Variants in CFH observed in about 807,000 individuals in gnomAD.
The protein encoded by CFH is complement factor H.
CFH carries 53 observed loss-of-function variants against 147.3 expected under a neutral mutation model. That is an observed-to-expected ratio of 0.36 (90% CI 0.29 to 0.45). The LOEUF (loss-of-function observed/expected upper bound fraction) is 0.45, where lower values mean the gene tolerates loss of function less well. CFH is among the 20% of genes least tolerant of loss of function. CFH has a pLI of 1.00. For missense variants in CFH, 1,380 were observed against 1,498.0 expected, an observed-to-expected ratio of 0.92 and a Z score of 1.30; for synonymous variants, 536 against 489.4, an observed-to-expected ratio of 1.10 and a Z score of -1.26.
chr1:196,666,804 C>CA lies in CFH; in HGVS notation c.59-6153dup, dbSNP rs10616982. Among the ~76,000 whole-genome samples, 606 of 82,840 alleles carry CA rather than the reference C, an allele frequency of 7.3e-3. 1 individual carries two copies. The highest frequency in any genetic ancestry group is 0.011 in the Non-Finnish European group (453 of 40,658). The allele number at this position is 82,840 out of a possible 152,430, so 54.3% of individuals were successfully genotyped here. On this transcript the variant is annotated intron_variant, in intron 1 of 21. Coordinates refer to ENST00000367429, the MANE Select transcript of CFH (RefSeq NM_000186.4). ...TGGGGGACAGAGCGAGACTCCGTCTCAAAAAAAAAAAAAAAAAAAAAGGGT... is the reference window on the plus strand; with the variant it reads ...TGGGGGACAGAGCGAGACTCCGTCTCAAAAAAAAAAAAAAAAAAAAAAGGGT...
intron 20 of CFH, among the ~76,000 whole-genome samples, chr1:196,745,466 T>C (rs1302976205): frequency 6.6e-6 from 1 of 152,196 alleles, no homozygotes; most frequent in East Asian, 1.9e-4. Context: ...TTGTCATACT[T>C]TTCCATTTTA....
rs534490392 is a variant in CFH at position 196,746,444 on chromosome 1, C to A, written c.3493+445C>A. Among the ~76,000 whole-genome samples the A allele has an allele frequency of 2.0e-5, 3 of 152,258 alleles. No homozygotes were observed. The South Asian group carries it at 6.2e-4, about 32-fold the overall frequency. Reference sequence around the variant, plus strand: ...CCAGCCTGGGTGACAAAGCGAGACTCCGTCTCAATAAAAACAACAAAAAAA... The same window carrying A: ...CCAGCCTGGGTGACAAAGCGAGACTACGTCTCAATAAAAACAACAAAAAAA... On this transcript the variant is annotated intron_variant, in intron 21 of 21. Transcript: ENST00000367429.
intron 11 of CFH, among the ~76,000 whole-genome samples, chr1:196,719,272 C>T (rs74694932): frequency 0.02 from 3,053 of 151,986 alleles, 96 homozygotes; most frequent in African/African-American, 0.069. Context: ...TCTTAACTTT[C>T]CTTTTTAAGA....
intron 9 of CFH, among the ~76,000 whole-genome samples, chr1:196,707,337 A>G (rs1204277355): frequency 3.3e-5 from 5 of 152,210 alleles, no homozygotes; most frequent in African/African-American, 7.2e-5. Context: ...AAGGAATGCC[A>G]ATAACATACA....
chr1:196,740,634 C>T lies in CFH; in HGVS notation c.2798C>T (p.Ser933Phe), dbSNP rs1480091266. ...TTTTTTTTAGGCCTTCCTTGTAAATCTCCACCTGAGATTTCTCATGGTGTT... is the reference window on the plus strand; with the variant it reads ...TTTTTTTTAGGCCTTCCTTGTAAATTTCCACCTGAGATTTCTCATGGTGTT... ...PPQCEGLPCKSPPEISHGVVA... is the reference protein window; with the variant it reads ...PPQCEGLPCKFPPEISHGVVA... Residue 933 changes from serine (S) to phenylalanine (F), a missense_variant, in exon 18 of 22, where the codon TCT (serine) becomes TTT (phenylalanine). Ser to Phe is a radical substitution (Grantham distance 155, BLOSUM62 -2). Coordinates refer to ENST00000367429, the MANE Select transcript of CFH (RefSeq NM_000186.4). 5 of 1,613,344 alleles carry T rather than the reference C, an allele frequency of 3.1e-6. No individual in the cohort carries two copies. The highest frequency in any genetic ancestry group is 3.4e-6 in the Non-Finnish European group (4 of 1,179,770).
Position 196,747,332 on chromosome 1 carries a change from C to A in CFH, c.*19C>A. 5 of 1,613,854 alleles carry A rather than the reference C, an allele frequency of 3.1e-6. No homozygotes were observed. The highest frequency in any genetic ancestry group is 4.2e-6 in the Non-Finnish European group (5 of 1,179,786). ...AAGATAGAATCAATCATAAAGTGCA[C>A]ACCTTTATTCAGAACTTTAGTATTA... On this transcript the variant is annotated 3_prime_UTR_variant, in exon 22 of 22. Transcript: ENST00000367429.
chr1:196,666,716 G>A (rs192873006), intron 1 of CFH, among the ~76,000 whole-genome samples: 138 of 150,986 alleles, frequency 9.1e-4, no homozygotes, highest in South Asian at 2.5e-3. Flanking sequence ...GATGGCTGAG[G>A]CAGGAGAATG....
At chr1:196,665,617 AT>A (rs950498475) in intron 1 of CFH, among the ~76,000 whole-genome samples, 4 of 151,694 alleles carry the variant, frequency 2.6e-5, no homozygotes, top group East Asian at 1.9e-4. Context: ...TTATTATTAT[AT>A]TTTTTTGAGA....
chr1:196,699,536 T>C (rs1473206734), intron 9 of CFH, among the ~76,000 whole-genome samples: 1 of 152,234 alleles, frequency 6.6e-6, no homozygotes, highest in Non-Finnish European at 1.5e-5. Context: ...TATGTAATTT[T>C]GATGTTATCA....
At chr1:196,729,113 A>T (rs145035620) in intron 15 of CFH, among the ~76,000 whole-genome samples, 1 of 152,036 alleles carries the variant, frequency 6.6e-6, no homozygotes, top group Non-Finnish European at 1.5e-5. Context: ...GTATTTTGCT[A>T]TCCAATTGTG....
intron 1 of CFH, among the ~76,000 whole-genome samples, chr1:196,655,266 A>G (rs1309994301): frequency 1.3e-5 from 2 of 152,274 alleles, no homozygotes; most frequent in East Asian, 3.9e-4. Context: ...TTTCCCAGGT[A>G]GGACAGATCT....
intron 19 of CFH, among the ~76,000 whole-genome samples, 193 bp from the exon 20 acceptor site, chr1:196,743,259 G>C (rs1419083821): frequency 2.0e-5 from 3 of 152,132 alleles, no homozygotes; most frequent in Admixed American, 2.0e-4. Context: ...AAACATCAAC[G>C]CTTGTACCTT....
chr1:196,653,197 A>G (rs929276137), intron 1 of CFH, among the ~76,000 whole-genome samples: 20 of 151,934 alleles, frequency 1.3e-4, no homozygotes, highest in African/African-American at 4.3e-4. Flanking sequence ...AATTTAAAAA[A>G]TATTCAAATA....
intron 11 of CFH, 62 bp downstream of exon 11, chr1:196,715,831 A>G: frequency 7.0e-7 from 1 of 1,421,020 alleles, no homozygotes; most frequent in Non-Finnish European, 9.8e-7. Flanking sequence ...TTCCAATTTT[A>G]AAAATTTGAA....
At chr1:196,698,678 CT>C (rs1668360404) in intron 9 of CFH, among the ~76,000 whole-genome samples, 1 of 152,114 alleles carries the variant, frequency 6.6e-6, no homozygotes, top group South Asian at 2.1e-4. Context: ...CCTTTGGAAA[CT>C]ATTTCAAACA....
At chr1:196,698,888 G>A (rs968844942) in intron 9 of CFH, among the ~76,000 whole-genome samples, 1 of 152,042 alleles carries the variant, frequency 6.6e-6, no homozygotes, top group Non-Finnish European at 1.5e-5. Flanking sequence ...TGAGCAAGTC[G>A]CCATTATCTC....
chr1:196,705,200 A>T (rs1261856136), intron 9 of CFH, among the ~76,000 whole-genome samples: 1 of 149,904 alleles, frequency 6.7e-6, no homozygotes, highest in South Asian at 2.1e-4. Context: ...CTGGCTTTAC[A>T]TTTTTTTTTT....
chr1:196,688,805 A>C (rs1573025897), intron 7 of CFH, among the ~76,000 whole-genome samples: 1 of 151,930 alleles, frequency 6.6e-6, no homozygotes, highest in South Asian at 2.1e-4. Context: ...GTAGAGACGG[A>C]GTATCACCAT....
chr1:196,723,698 G>T (rs573985135), intron 11 of CFH, among the ~76,000 whole-genome samples: 4 of 152,028 alleles, frequency 2.6e-5, no homozygotes, highest in Non-Finnish European at 4.4e-5. Context: ...GTACCACTAA[G>T]CTCACCCTTG....
Sources: gnomAD v4.1 joint callset for allele counts (sites outside exome capture counted in the v4.1 genomes callset) on GRCh38, gnomAD v4.1.1 for gene constraint, MANE v1.5 for transcripts, NCBI Gene and HGNC (gene_info 2026-07-23, HGNC 2026-07-21) for gene names.